The following MYO18B variants were observed in gnomAD, a reference collection of about 807,000 sequenced individuals.
MYO18B encodes the protein myosin XVIIIB.
A neutral mutation model predicts 273.0 loss-of-function variants in MYO18B; 204 were observed. The ratio of observed to expected loss-of-function variants is 0.75; its 90% CI spans 0.67 to 0.84. MYO18B has a LOEUF of 0.84. Ranked by LOEUF, MYO18B falls within the 40% of genes least tolerant of loss-of-function variation. MYO18B has a pLI of 0.00. For missense variants in MYO18B, 3,212 were observed against 3,287.6 expected, an observed-to-expected ratio of 0.98 and a Z score of 0.56; for synonymous variants, 1,330 against 1,305.7, an observed-to-expected ratio of 1.02 and a Z score of -0.40.
chr22:25,839,462 C>G (rs2090018627), intron 17 of MYO18B, among the ~76,000 whole-genome samples: 1 of 152,132 alleles, frequency 6.6e-6, no homozygotes, highest in African/African-American at 2.4e-5. Context: ...CCTTTGCTAG[C>G]TGGGGAAGGA....
intron 39 of MYO18B, among the ~76,000 whole-genome samples, chr22:25,962,385 C>CA (rs2092927591): frequency 6.6e-6 from 1 of 152,180 alleles, no homozygotes; most frequent in South Asian, 2.1e-4. Context: ...ACCTCCATAT[C>CA]AGAGTCAGGT....
intron 12 of MYO18B, among the ~76,000 whole-genome samples, chr22:25,803,153 C>T (rs140671920): frequency 7.3e-4 from 111 of 151,424 alleles, no homozygotes; most frequent in East Asian, 7.3e-3. Context: ...TTAGTAGAGA[C>T]GGGGTTTCAC....
intron 2 of MYO18B, among the ~76,000 whole-genome samples, chr22:25,761,986 G>T (rs1032641203): frequency 2.5e-4 from 38 of 152,270 alleles, no homozygotes; most frequent in African/African-American, 8.9e-4. Context: ...AACTGGGTGT[G>T]GTGGTGTGTG....
chr22:25,975,256 A>G (rs1002418972), intron 39 of MYO18B, among the ~76,000 whole-genome samples: 1 of 152,186 alleles, frequency 6.6e-6, no homozygotes, highest in African/African-American at 2.4e-5. Flanking sequence ...TGAGTCAATA[A>G]ATGAATAAAT....
intron 40 of MYO18B, among the ~76,000 whole-genome samples, chr22:25,994,984 T>C (rs532838089): frequency 5.9e-5 from 9 of 152,318 alleles, no homozygotes; most frequent in African/African-American, 1.7e-4. Context: ...GGAGGGTCCA[T>C]GCTTGAAGGG....
chr22:25,872,734 G>C (rs2091081522), intron 22 of MYO18B, among the ~76,000 whole-genome samples: 1 of 151,986 alleles, frequency 6.6e-6, no homozygotes, highest in African/African-American at 2.4e-5. Context: ...TATAGGATTA[G>C]ACATGTAAAG....
At chr22:25,899,683 C>T (rs1460237672) in intron 29 of MYO18B, 1 of 152,134 alleles carries the variant, frequency 6.6e-6, no homozygotes, top group African/African-American at 2.4e-5. Context: ...TTCCCCTTTC[C>T]ACCTCCCTGT....
intron 12 of MYO18B, among the ~76,000 whole-genome samples, chr22:25,818,033 A>G (rs896113201): frequency 3.4e-4 from 52 of 152,308 alleles, no homozygotes; most frequent in African/African-American, 1.2e-3. Flanking sequence ...AGCAACCCGA[A>G]AAATGGCTGA....
intron 39 of MYO18B, among the ~76,000 whole-genome samples, chr22:25,960,180 T>C (rs756423858): frequency 1.3e-4 from 20 of 152,208 alleles, no homozygotes; most frequent in Non-Finnish European, 2.1e-4. Flanking sequence ...TTAGTAAATG[T>C]ACTATTCCTG....
chr22:25,765,015 G>C (rs961394908), intron 3 of MYO18B, among the ~76,000 whole-genome samples: 1 of 152,162 alleles, frequency 6.6e-6, no homozygotes, highest in Admixed American at 6.5e-5. Flanking sequence ...AGGTGGCCGG[G>C]GTGGTGCCAC....
intron 23 of MYO18B, among the ~76,000 whole-genome samples, chr22:25,875,219 C>G (rs1160338643): frequency 1.3e-5 from 2 of 152,236 alleles, no homozygotes; most frequent in Non-Finnish European, 2.9e-5. Flanking sequence ...AGACCCTGGG[C>G]TCTGCAGCCA....
At chr22:25,800,661 C>G (rs2088153055) in intron 12 of MYO18B, among the ~76,000 whole-genome samples, 1 of 152,200 alleles carries the variant, frequency 6.6e-6, no homozygotes, top group African/African-American at 2.4e-5. Context: ...TTGTCCTATC[C>G]AAGAGACAAG....
intron 19 of MYO18B, 51 bp from the exon 20 acceptor site, chr22:25,847,379 T>C (rs2090282912): frequency 6.7e-7 from 1 of 1,487,552 alleles, no homozygotes; most frequent in Non-Finnish European, 9.2e-7. Context: ...CCAGTCCCCT[T>C]TCTGTGTCTC....
chr22:25,753,847 T>C (rs1027672171), intron 1 of MYO18B, among the ~76,000 whole-genome samples: 7 of 152,214 alleles, frequency 4.6e-5, no homozygotes, highest in East Asian at 1.9e-4. Flanking sequence ...ATACCGTCTT[T>C]AAGAACTGTT....
chr22:25,909,511 C>T (rs2092114264), intron 32 of MYO18B, among the ~76,000 whole-genome samples: 1 of 152,190 alleles, frequency 6.6e-6, no homozygotes, highest in African/African-American at 2.4e-5. Flanking sequence ...TTTCCCCCTC[C>T]ATGGGTCAGG....
chr22:25,781,763 A>ACGG lies in MYO18B; in HGVS notation c.2243_2245dup (p.Arg748dup), dbSNP rs745421341. 1 of 1,589,458 alleles carries ACGG rather than the reference A, an allele frequency of 6.3e-7. No homozygotes were observed. The highest frequency in any genetic ancestry group is 8.6e-7 in the Non-Finnish European group (1 of 1,169,112). The stretch of plus-strand genomic sequence containing the variant: ...TGCTTTTGGAGAAGAGCCGCGTGGC[A>ACGG]CGGCAGCCGGAAGGGGAAAGTAACT... On this transcript the variant is annotated inframe_insertion, in exon 10 of 44. Transcript: ENST00000335473.
intron 25 of MYO18B, among the ~76,000 whole-genome samples, chr22:25,887,996 A>C (rs528201032): frequency 5.3e-4 from 80 of 152,292 alleles, no homozygotes; most frequent in Non-Finnish European, 1.1e-3. Context: ...GACCTGGGGC[A>C]TTCCTGGCTT....
chr22:25,879,993 C>G lies in MYO18B; in HGVS notation c.4314+1945C>G, dbSNP rs559723036. 1.5e-3 allele frequency among the ~76,000 whole-genome samples: 222 copies of G among 152,250 alleles called. 1 individual carries two copies. Among genetic ancestry groups the G allele is most frequent in the African/African-American group, 5.2e-3 (218 of 41,546 alleles). ...CATGATCCAGTCATCTCCCACCAGG[C>G]CCTTCCTCCAACACTAGGGATTACA... On this transcript the variant is annotated intron_variant, in intron 25 of 43. Coordinates refer to ENST00000335473, the MANE Select transcript of MYO18B (RefSeq NM_032608.7).
chr22:25,906,675 G>T (rs1039732976), intron 31 of MYO18B, among the ~76,000 whole-genome samples: 1 of 151,992 alleles, frequency 6.6e-6, no homozygotes, highest in Admixed American at 6.6e-5. Flanking sequence ...GGTAATTTAT[G>T]CAAAAAAGAG....
Sources: allele counts gnomAD v4.1 joint callset (sites outside exome capture counted in the v4.1 genomes callset), GRCh38; gene constraint gnomAD v4.1.1; transcripts MANE v1.5; gene names NCBI Gene and HGNC (gene_info 2026-07-23, HGNC 2026-07-21).